RALYL: variants seen among roughly 807,000 people sequenced by gnomAD.
RALYL encodes the protein RNA-binding Raly-like protein.
Under a neutral mutation model 35.1 loss-of-function variants are expected in RALYL, and 29 were observed. The ratio of observed to expected loss-of-function variants is 0.83; its 90% confidence interval spans 0.61 to 1.13. RALYL has a LOEUF of 1.13. Among genes scored for constraint, RALYL ranks in the 50% most tolerant of loss-of-function variants. RALYL has a pLI of 0.00. For synonymous variants in RALYL, 120 were observed against 127.6 expected, an observed-to-expected ratio of 0.94 and a Z score of 0.40; for missense variants, 359 against 360.4, an observed-to-expected ratio of 1.00 and a Z score of 0.03.
At chr8:84,461,466 T>C (rs2050763120) in intron 1 of RALYL, among the ~76,000 whole-genome samples, 1 of 151,634 alleles carries the variant, frequency 6.6e-6, no homozygotes, top group Admixed American at 6.6e-5. Context: ...TTCAGCATAA[T>C]TGACAATAAA....
chr8:84,349,791 T>C (rs2131043146), intron 1 of RALYL, among the ~76,000 whole-genome samples: 1 of 150,232 alleles, frequency 6.7e-6, no homozygotes, highest in East Asian at 1.9e-4. Flanking sequence ...TGGCCTTATA[T>C]GAACATGAGC....
At position 84,372,886 on chromosome 8, in the gene RALYL, G is replaced by GTTTTTTTTTTTTTTTTTTTTTTTTTT. The variant is rs76885544; in HGVS notation, c.-23-156409_-23-156384dup. Among the ~76,000 whole-genome samples, 7 of 39,072 alleles carry GTTTTTTTTTTTTTTTTTTTTTTTTTT rather than the reference G, an allele frequency of 1.8e-4. 2 individuals are homozygous for GTTTTTTTTTTTTTTTTTTTTTTTTTT. The highest frequency in any genetic ancestry group is 5.5e-4 in the African/African-American group (5 of 9,124). The allele number at this position is 39,072 out of a possible 152,430, so 25.6% of individuals were successfully genotyped here. ...TTTCTCCACAACCATGCCAGCATCT[G>GTTTTTTTTTTTTTTTTTTTTTTTTTT]TTTTTTTTTTTTTTTTTTTTTTTTT... On this transcript the variant is annotated intron_variant, in intron 1 of 8. Coordinates refer to ENST00000521268, the MANE Select transcript of RALYL (RefSeq NM_173848.7).
chr8:84,637,606 G>T (rs1209552317), intron 2 of RALYL, among the ~76,000 whole-genome samples: 1 of 151,832 alleles, frequency 6.6e-6, no homozygotes, highest in Non-Finnish European at 1.5e-5. Context: ...TGGAGAGAGG[G>T]GCTTTAAAGG....
chr8:84,662,193 A>T (rs1160154452), intron 2 of RALYL, among the ~76,000 whole-genome samples: 1 of 152,074 alleles, frequency 6.6e-6, no homozygotes, highest in Admixed American at 6.6e-5. Context: ...TACGGCTCTC[A>T]GGATAATGCT....
At chr8:84,886,287 ATTATAT>A (rs59964506) in intron 7 of RALYL, among the ~76,000 whole-genome samples, 68,006 of 151,342 alleles carry the variant, frequency 0.45, 17,931 homozygotes, top group African/African-American at 0.72. Context: ...TTATTTGTAC[ATTATAT>A]TTATATCAGT....
intron 8 of RALYL, among the ~76,000 whole-genome samples, chr8:84,894,836 T>A (rs1844460383): frequency 6.6e-6 from 1 of 152,210 alleles, no homozygotes; most frequent in Non-Finnish European, 1.5e-5. Flanking sequence ...AACTCTGCCA[T>A]TAAGGCAAAA....
intron 2 of RALYL, among the ~76,000 whole-genome samples, chr8:84,703,721 T>G (rs1480740392): frequency 6.6e-6 from 1 of 152,216 alleles, no homozygotes; most frequent in Non-Finnish European, 1.5e-5. Flanking sequence ...ATCATAAATA[T>G]ATACCACCTA....
chr8:84,255,701 TA>T (rs1421797887), intron 1 of RALYL, among the ~76,000 whole-genome samples: 7 of 152,114 alleles, frequency 4.6e-5, no homozygotes, highest in African/African-American at 1.7e-4. Flanking sequence ...ACTCAATAAA[TA>T]TTTGTGCAAA....
At chr8:84,198,746 C>T (rs982239920) in intron 1 of RALYL, among the ~76,000 whole-genome samples, 3 of 152,126 alleles carry the variant, frequency 2.0e-5, no homozygotes, top group Non-Finnish European at 4.4e-5. Context: ...GAATATGCAA[C>T]ATTGATCTTT....
At chr8:84,796,276 C>G (rs892094699) in intron 3 of RALYL, among the ~76,000 whole-genome samples, 9 of 152,194 alleles carry the variant, frequency 5.9e-5, no homozygotes, top group African/African-American at 2.2e-4. Context: ...TCCTAGGCAT[C>G]TTGGCCCAGG....
chr8:84,219,599 G>C (rs779050080), intron 1 of RALYL, among the ~76,000 whole-genome samples: 1 of 152,056 alleles, frequency 6.6e-6, no homozygotes, highest in Admixed American at 6.6e-5. Flanking sequence ...ACATGTCTGT[G>C]TGTGTGTGTG....
intron 1 of RALYL, among the ~76,000 whole-genome samples, chr8:84,244,605 T>C (rs1047597440): frequency 6.6e-6 from 1 of 152,214 alleles, no homozygotes; most frequent in African/African-American, 2.4e-5. Flanking sequence ...TATTTCTTTT[T>C]GTCAGGACAG....
At chr8:84,281,896 T>C (rs1585906198) in intron 1 of RALYL, among the ~76,000 whole-genome samples, 1 of 152,142 alleles carries the variant, frequency 6.6e-6, no homozygotes, top group South Asian at 2.1e-4. Context: ...TTTGAACTTA[T>C]GCCTGAATTC....
intron 1 of RALYL, among the ~76,000 whole-genome samples, chr8:84,371,570 CACAG>C (rs1366123656): frequency 6.7e-6 from 1 of 148,166 alleles, no homozygotes; most frequent in African/African-American, 2.6e-5. Context: ...CACACACACA[CACAG>C]AAAGAGAGAG....
intron 2 of RALYL, among the ~76,000 whole-genome samples, chr8:84,635,573 C>T (rs1824884267): frequency 6.6e-6 from 1 of 151,404 alleles, no homozygotes; most frequent in African/African-American, 2.4e-5. Flanking sequence ...GGTACAGATA[C>T]TATTGAGAGA....
intron 2 of RALYL, among the ~76,000 whole-genome samples, chr8:84,588,992 G>A (rs1419629194): frequency 1.3e-5 from 2 of 152,070 alleles, no homozygotes; most frequent in Non-Finnish European, 2.9e-5. Context: ...CCGCCTCCTG[G>A]GTTCTAGCGA....
intron 1 of RALYL, among the ~76,000 whole-genome samples, chr8:84,251,546 AC>A (rs1477280767): frequency 6.6e-6 from 1 of 152,110 alleles, no homozygotes; most frequent in Admixed American, 6.6e-5. Context: ...CTGATACTAA[AC>A]AAACACACCC....
chr8:84,636,415 G>C (rs775138644), intron 2 of RALYL, among the ~76,000 whole-genome samples: 1 of 151,802 alleles, frequency 6.6e-6, no homozygotes, highest in Non-Finnish European at 1.5e-5. Context: ...GAGATGGAAT[G>C]TACGCAGGAC....
intron 1 of RALYL, among the ~76,000 whole-genome samples, chr8:84,306,964 A>G (rs10095090): frequency 6.6e-6 from 1 of 151,874 alleles, no homozygotes; most frequent in Admixed American, 6.6e-5. Context: ...AAAAGCTCTC[A>G]AATTCCTTCT....
Sources: gnomAD v4.1 joint callset for allele counts (sites outside exome capture counted in the v4.1 genomes callset) on GRCh38, gnomAD v4.1.1 for gene constraint, MANE v1.5 for transcripts, NCBI Gene and HGNC (gene_info 2026-07-23, HGNC 2026-07-21) for gene names.